The following DHX57 variants were observed in gnomAD, a reference collection of about 807,000 sequenced individuals.
DHX57 encodes putative ATP-dependent RNA helicase DHX57.
DHX57 carries 105 observed loss-of-function variants against 156.2 expected under a neutral mutation model. The ratio of observed to expected loss-of-function variants is 0.67; its 90% confidence interval spans 0.57 to 0.79. The LOEUF (loss-of-function observed/expected upper bound fraction) is 0.79. DHX57 is among the 30% of genes least tolerant of loss of function. DHX57 has a pLI of 0.00. For missense variants in DHX57, 1,847 were observed against 1,661.9 expected (o/e 1.11, Z -1.94); for synonymous variants, 704 against 595.6 (o/e 1.18, Z -2.65).
chr2:38,798,008 G>T lies in DHX57; in HGVS notation c.*291C>A. On this transcript the variant is annotated 3_prime_UTR_variant, in exon 24 of 24. Coordinates refer to ENST00000457308, the MANE Select transcript of DHX57 (RefSeq NM_198963.3). ...AGAATTGTATTATACATTCACTTTTGAGTTATCAGGTGAACTTAATTCACT... is the reference window on the plus strand; with the variant it reads ...AGAATTGTATTATACATTCACTTTTTAGTTATCAGGTGAACTTAATTCACT... 3.5e-6 allele frequency: 1 copy of T among 285,736 alleles called. No homozygotes were observed. Among genetic ancestry groups the T allele is most frequent in the Non-Finnish European group, 7.0e-6 (1 of 143,396 alleles). 17.7% of individuals were successfully genotyped at this position (285,736 alleles called of 1,614,324 possible). A position where few individuals can be genotyped will look rare whatever the true frequency, so the allele number is the denominator to read the frequency against.
intron 21 of DHX57, chr2:38,811,143 G>T (rs568800185): frequency 3.8e-6 from 2 of 528,040 alleles, no homozygotes; most frequent in Non-Finnish European, 7.1e-6. Context: ...ATGTTCCATG[G>T]GTGCTTCAGA....
intron 9 of DHX57, chr2:38,853,071 T>TTTCTTTTCTTTTCTTTTCTG (rs1672690333): frequency 5.6e-6 from 1 of 177,288 alleles, no homozygotes; most frequent in African/African-American, 2.4e-5. Flanking sequence ...TTTCTTTTCT[T>TTTCTTTTCTTTTCTTTTCTG]TTGAGACAGG....
intron 19 of DHX57, chr2:38,816,113 G>C (rs908012765): frequency 1.5e-5 from 7 of 471,274 alleles, no homozygotes; most frequent in African/African-American, 1.0e-4. Context: ...AGAGTGGTTC[G>C]TGCTCTCAGT....
intron 22 of DHX57, among the ~76,000 whole-genome samples, chr2:38,805,840 T>G (rs116710242): frequency 1.3e-5 from 2 of 152,022 alleles, no homozygotes; most frequent in South Asian, 2.1e-4. Flanking sequence ...AGAGACAGAT[T>G]TGGGGTCTGC....
At chr2:38,810,468 T>C in intron 21 of DHX57, 1 of 542,640 alleles carries the variant, frequency 1.8e-6, no homozygotes, top group Non-Finnish European at 3.6e-6. Context: ...GAGATGATGA[T>C]ATTCCTTCAT....
intron 6 of DHX57, chr2:38,856,776 C>A (rs1672923907): frequency 2.1e-5 from 4 of 186,954 alleles, no homozygotes; most frequent in Non-Finnish European, 3.3e-5. Context: ...GCTGGGATTA[C>A]AGCTTTTTTT....
Position 38,826,509 on chromosome 2 carries a change from G to A in DHX57, c.2813+7C>T, listed in dbSNP as rs372999642. 59 of 1,612,272 alleles carry A rather than the reference G, an allele frequency of 3.7e-5. No homozygotes were observed. Among genetic ancestry groups the A allele is most frequent in the East Asian group, 2.0e-4 (9 of 44,852 alleles). On this transcript the variant is annotated splice_region_variant and intron_variant, in intron 15 of 23. Coordinates refer to ENST00000457308, the MANE Select transcript of DHX57 (RefSeq NM_198963.3). ...CCCCTCTCTTACATCACCACAAGAC[G>A]GAATACCTCTTTTCTTTCATTTTCC...
At chr2:38,802,583 C>G (rs1450508848) in intron 23 of DHX57, 132 bp downstream of exon 23, 3 of 1,144,430 alleles carry the variant, frequency 2.6e-6, no homozygotes, top group Non-Finnish European at 3.7e-6. Context: ...CCACTGGGCT[C>G]GGCCACCGTC....
At chr2:38,834,881 A>G (rs2124847044) in intron 13 of DHX57, among the ~76,000 whole-genome samples, 1 of 152,322 alleles carries the variant, frequency 6.6e-6, no homozygotes, top group Non-Finnish European at 1.5e-5. Flanking sequence ...TTTGAGAAAT[A>G]CCTTTTTATC....
At position 38,801,108 on chromosome 2, in the gene DHX57, A is replaced by T. The variant is rs192227537; in HGVS notation, c.4017+1607T>A. ...TAAAATTACATATGTGGGTCACATT[A>T]TATTTCTGTTGGACACTGCTGCTCT... On this transcript the variant is annotated intron_variant, in intron 23 of 23. Transcript: ENST00000457308. 6.6e-5 allele frequency among the ~76,000 whole-genome samples: 10 copies of T among 152,358 alleles called. No homozygotes were observed. In the East Asian group the frequency reaches 1.3e-3, roughly 21 times the overall value.
At chr2:38,849,958 A>G (rs1213458062) in intron 9 of DHX57, among the ~76,000 whole-genome samples, 4 of 152,000 alleles carry the variant, frequency 2.6e-5, no homozygotes, top group Non-Finnish European at 5.9e-5. Flanking sequence ...CACTTACCAT[A>G]TTCTGTATTT....
At chr2:38,822,927 CATGGTCCCCTTAGAGACCT>C in intron 17 of DHX57, 47 bp downstream of exon 17, 2 of 1,524,990 alleles carry the variant, frequency 1.3e-6, no homozygotes, top group Admixed American at 4.1e-5. Flanking sequence ...TGATTTCCCC[CATGGTCCCCTTAGAGACCT>C]ATGGTCCTCT....
intron 19 of DHX57, among the ~76,000 whole-genome samples, chr2:38,818,589 A>T (rs1393148168): frequency 6.6e-6 from 1 of 152,108 alleles, no homozygotes; most frequent in Non-Finnish European, 1.5e-5. Flanking sequence ...AATTACTGAA[A>T]AAACTGACTT....
At chr2:38,822,581 G>C (rs1371001947) in intron 17 of DHX57, among the ~76,000 whole-genome samples, 1 of 151,932 alleles carries the variant, frequency 6.6e-6, no homozygotes, top group East Asian at 1.9e-4. Context: ...TTTTAATAGA[G>C]ACAGGGTTTC....
At chr2:38,838,860 C>G (rs571340911) in intron 12 of DHX57, 1 of 444,536 alleles carries the variant, frequency 2.2e-6, no homozygotes, top group African/African-American at 2.0e-5. Flanking sequence ...TCACAATCTC[C>G]TAATCTATCT....
In DHX57 at chr2:38,851,822, G is replaced by C. The variant is rs75913582; in HGVS notation, c.2030+2232C>G. 4.2e-3 allele frequency among the ~76,000 whole-genome samples: 643 copies of C among 152,204 alleles called. 10 individuals are homozygous for C. The East Asian group carries it at 0.06, about 14-fold the overall frequency. ...AATCATTTAAATACCATTAATCTGAGAGAATGTTTTATTTGGCTTCCTCTT... is the reference window on the plus strand; with the variant it reads ...AATCATTTAAATACCATTAATCTGACAGAATGTTTTATTTGGCTTCCTCTT... On this transcript the variant is annotated intron_variant, in intron 9 of 23. Coordinates refer to ENST00000457308, the MANE Select transcript of DHX57 (RefSeq NM_198963.3).
chr2:38,810,747 T>C (rs551062651), intron 21 of DHX57: 4 of 823,852 alleles, frequency 4.9e-6, no homozygotes, highest in African/African-American at 3.4e-5. Context: ...CCAGGCCTTG[T>C]TTGATTTTGC....
At position 38,857,133 on chromosome 2, in the gene DHX57, G is replaced by A. The variant is rs986339144; in HGVS notation, c.1588-672C>T. 5 of 154,152 alleles carry A rather than the reference G, an allele frequency of 3.2e-5. No homozygotes were observed. In the Admixed American group the frequency reaches 3.3e-4, roughly 10 times the overall value. 9.5% of individuals were successfully genotyped at this position (154,152 alleles called of 1,614,324 possible). The stretch of plus-strand genomic sequence containing the variant: ...ATACAGCAACACCTGGCTACATGTG[G>A]CTATTGAGCACCTGAAATGTGAAGA... On this transcript the variant is annotated intron_variant, in intron 6 of 23. Transcript: ENST00000457308.
At chr2:38,800,349 A>C (rs544126545) in intron 23 of DHX57, among the ~76,000 whole-genome samples, 38 of 151,794 alleles carry the variant, frequency 2.5e-4, no homozygotes, top group Non-Finnish European at 4.9e-4. Context: ...GCAAGACTCC[A>C]CCTCAAAAAA....
Sources: allele counts gnomAD v4.1 joint callset (sites outside exome capture counted in the v4.1 genomes callset), GRCh38; gene constraint gnomAD v4.1.1; transcripts MANE v1.5; gene names NCBI Gene and HGNC (gene_info 2026-07-23, HGNC 2026-07-21).